The following PDE4DIP variants were observed in gnomAD, a reference collection of about 807,000 sequenced individuals.
The protein encoded by PDE4DIP is myomegalin.
Under a neutral mutation model 221.4 loss-of-function variants are expected in PDE4DIP, and 59 were observed. That is an observed-to-expected ratio of 0.27 (90% CI 0.22 to 0.33). The LOEUF is 0.33. Among genes scored for constraint, PDE4DIP ranks in the 10% least tolerant of loss-of-function variants. PDE4DIP has a pLI of 1.00. For synonymous variants in PDE4DIP, 404 were observed against 815.9 expected (o/e 0.50, Z 8.60); for missense variants, 1,036 against 2,154.2 (o/e 0.48, Z 10.28).
At chr1:148,945,309 AG>A (rs1322303271) in intron 5 of PDE4DIP, among the ~76,000 whole-genome samples, 44 of 152,106 alleles carry the variant, frequency 2.9e-4, no homozygotes, top group African/African-American at 1.1e-3. Flanking sequence ...TTGCACAAAC[AG>A]GTGGGGGCTG....
At chr1:148,941,523 G>C (rs1380418270) in intron 5 of PDE4DIP, among the ~76,000 whole-genome samples, 1 of 129,818 alleles carries the variant, frequency 7.7e-6, no homozygotes, top group Non-Finnish European at 1.6e-5. Flanking sequence ...GGTAATCCTA[G>C]TTGTCGTGGA....
upstream of PDE4DIP, among the ~76,000 whole-genome samples, chr1:148,885,401 T>G (rs1335687162): frequency 1.3e-5 from 2 of 151,896 alleles, no homozygotes; most frequent in Non-Finnish European, 2.9e-5. Flanking sequence ...AAAGAAAGCT[T>G]CTCTTGCTTC....
At chr1:148,973,320 C>T (rs1227967730) in intron 16 of PDE4DIP, among the ~76,000 whole-genome samples, 4 of 151,416 alleles carry the variant, frequency 2.6e-5, no homozygotes, top group East Asian at 2.0e-4. Context: ...TTAGTAGAGA[C>T]GGGGTTTCAC....
exon 42 of PDE4DIP, chr1:149,029,808 C>T (rs1217617337): frequency 1.3e-6 from 2 of 1,588,566 alleles, no homozygotes; most frequent in Non-Finnish European, 8.6e-7. Flanking sequence ...AGAAAGGGAA[C>T]TTCTGGAACT....
At chr1:148,919,429 A>G (rs1455192004) in intron 1 of PDE4DIP, among the ~76,000 whole-genome samples, 1 of 151,082 alleles carries the variant, frequency 6.6e-6, no homozygotes, top group Non-Finnish European at 1.5e-5. Context: ...GAATGGAGAG[A>G]AACTCCATTT....
chr1:148,869,753 G>A (rs3856007), intron 3 of PDE4DIP, among the ~76,000 whole-genome samples: 4 of 102,584 alleles, frequency 3.9e-5, no homozygotes, highest in Non-Finnish European at 5.7e-5. Context: ...ACAGGCAGCC[G>A]GAATTTCTTA....
chr1:148,930,537 A>G (rs1430202502), intron 2 of PDE4DIP: 1 of 151,606 alleles, frequency 6.6e-6, no homozygotes, highest in Non-Finnish European at 1.5e-5. Context: ...AATCAGTAGC[A>G]TTTCTACACA....
chr1:148,999,348 A>T (rs1455559046), intron 23 of PDE4DIP, among the ~76,000 whole-genome samples: 2 of 152,198 alleles, frequency 1.3e-5, no homozygotes, highest in East Asian at 3.9e-4. Context: ...GTTTCCCTGC[A>T]TGTTACATAC....
chr1:148,952,032 C>A (rs1481907412), intron 5 of PDE4DIP: 10 of 1,007,696 alleles, frequency 9.9e-6, no homozygotes, highest in Non-Finnish European at 1.1e-5. Flanking sequence ...CCGCTGGCAG[C>A]CGGAGGACGT....
chr1:148,980,263 G>A (rs1233017870), intron 20 of PDE4DIP, among the ~76,000 whole-genome samples: 4 of 152,180 alleles, frequency 2.6e-5, no homozygotes, highest in African/African-American at 4.8e-5. Context: ...GAGGTAGCGC[G>A]CGCCTGTAGT....
intron 1 of PDE4DIP, among the ~76,000 whole-genome samples, chr1:148,899,041 A>G (rs2040068578): frequency 8.9e-6 from 1 of 111,962 alleles, no homozygotes; most frequent in Non-Finnish European, 1.7e-5. Context: ...CATGCTGGCC[A>G]GGGTGGTCTC....
At chr1:148,958,034 T>G (rs2055819300) in intron 5 of PDE4DIP, among the ~76,000 whole-genome samples, 1 of 148,814 alleles carries the variant, frequency 6.7e-6, no homozygotes, top group African/African-American at 2.5e-5. Flanking sequence ...GTTAGAATCA[T>G]TGTAAACATC....
intron 14 of PDE4DIP, among the ~76,000 whole-genome samples, chr1:148,971,737 A>G (rs2059258479): frequency 6.6e-6 from 1 of 152,144 alleles, no homozygotes; most frequent in Admixed American, 6.5e-5. Flanking sequence ...TACGCAGGAA[A>G]GACCAACCTG....
chr1:148,949,240 T>C (rs1304596818), intron 5 of PDE4DIP, among the ~76,000 whole-genome samples: 5 of 151,444 alleles, frequency 3.3e-5, no homozygotes, highest in African/African-American at 1.2e-4. Flanking sequence ...TAAAAAATTA[T>C]AGAAAATAAG....
exon 32 of PDE4DIP, chr1:149,012,600 T>G (rs782073936): frequency 1.1e-5 from 17 of 1,586,860 alleles, no homozygotes; most frequent in Admixed American, 1.9e-5. Context: ...GGCTTTCATT[T>G]TCACTCCATA....
At chr1:148,953,057 A>G (rs1359498519) in intron 5 of PDE4DIP, 3 of 1,614,154 alleles carry the variant, frequency 1.9e-6, no homozygotes, top group Non-Finnish European at 2.5e-6. Flanking sequence ...CAAGTTCTGC[A>G]TTGCCAGTAT....
chr1:148,956,210 T>G (rs1279579395), intron 5 of PDE4DIP, among the ~76,000 whole-genome samples: 2 of 151,990 alleles, frequency 1.3e-5, no homozygotes, highest in Non-Finnish European at 2.9e-5. Context: ...AAATGTTTCC[T>G]TTAGTTCAGT....
At chr1:148,948,728 A>G (rs1553485358) in intron 5 of PDE4DIP, among the ~76,000 whole-genome samples, 1 of 151,290 alleles carries the variant, frequency 6.6e-6, no homozygotes, top group Non-Finnish European at 1.5e-5. Context: ...GCCCAGTTCA[A>G]TGAGCTTCAA....
At chr1:148,952,117 G>C in intron 5 of PDE4DIP, 5 of 1,024,720 alleles carry the variant, frequency 4.9e-6, no homozygotes, top group Non-Finnish European at 5.9e-6. Flanking sequence ...ATCCTGCAGA[G>C]GCGGGAGGAT....
Sources: allele counts gnomAD v4.1 joint callset (sites outside exome capture counted in the v4.1 genomes callset), GRCh38; gene constraint gnomAD v4.1.1; transcripts MANE v1.5; gene names NCBI Gene and HGNC (gene_info 2026-07-23, HGNC 2026-07-21).